The following ASB18 variants were observed in gnomAD, a reference collection of about 807,000 sequenced individuals.
The protein encoded by ASB18 is ankyrin repeat and SOCS box containing 18, also known as ankyrin repeat and SOCS box protein 18.
ASB18 carries 33 observed loss-of-function variants against 33.4 expected under a neutral mutation model. That is an observed-to-expected ratio of 0.99 (90% CI 0.75 to 1.32). The LOEUF (loss-of-function observed/expected upper bound fraction) is 1.32. Among genes scored for constraint, ASB18 ranks in the 40% most tolerant of loss-of-function variants. The pLI is 0.00. For synonymous variants in ASB18, 295 were observed against 307.6 expected, an observed-to-expected ratio of 0.96 and a Z score of 0.43; for missense variants, 694 against 655.5, an observed-to-expected ratio of 1.06 and a Z score of -0.64.
rs2060467027 is a variant in ASB18 at position 236,213,204 on chromosome 2, A to T, written c.1101+1158T>A. Among the ~76,000 whole-genome samples the T allele has an allele frequency of 6.6e-6, 1 of 152,004 alleles. No homozygotes were observed. The highest frequency in any genetic ancestry group is 2.4e-5 in the African/African-American group (1 of 41,372). On this transcript the variant is annotated intron_variant, in intron 4 of 5. Coordinates refer to ENST00000409749, the MANE Select transcript of ASB18 (RefSeq NM_212556.4). This position sits in a 1 kb window ranked among gnomAD's most constrained non-coding sequence, Gnocchi z 4.8. ...AGCACCACAAGACAATTACCCAAAGAGGGGGTGAGACAGCATCGGGAAAGT... is the reference window on the plus strand; with the variant it reads ...AGCACCACAAGACAATTACCCAAAGTGGGGGTGAGACAGCATCGGGAAAGT...
At chr2:236,230,205 T>C (rs1239767933) in intron 3 of ASB18, among the ~76,000 whole-genome samples, 1 of 151,044 alleles carries the variant, frequency 6.6e-6, no homozygotes, top group South Asian at 2.1e-4. Flanking sequence ...GCAGAAAAAA[T>C]AAGAAGAAAA....
rs867440470 is a variant in ASB18, at chr2:236,208,049, G to A, written c.1101+6313C>T. ...TTCTTTCTAGACTGGGCATCATATC[G>A]ACATCATAAGAGCTATTATCGGTGG... On this transcript the variant is annotated intron_variant, in intron 4 of 5. Coordinates refer to ENST00000409749, the MANE Select transcript of ASB18 (RefSeq NM_212556.4). The surrounding 1 kb of genome is among the most constrained non-coding windows in gnomAD (Gnocchi z 7.7). Among the ~76,000 whole-genome samples, 3 of 151,676 alleles carry A rather than the reference G, an allele frequency of 2.0e-5. No homozygotes were observed. Among genetic ancestry groups the A allele is most frequent in the African/African-American group, 7.3e-5 (3 of 41,234 alleles).
In ASB18 at chr2:236,211,996, T is replaced by C. The variant is rs1222172092; in HGVS notation, c.1101+2366A>G. Reference sequence around the variant, plus strand: ...CTTTCATTCATTCAACAAACACTGATGGAAGGTCTGTGCTTGCAGGCGCCA... The same window carrying C: ...CTTTCATTCATTCAACAAACACTGACGGAAGGTCTGTGCTTGCAGGCGCCA... On this transcript the variant is annotated intron_variant, in intron 4 of 5. Coordinates refer to ENST00000409749, the MANE Select transcript of ASB18 (RefSeq NM_212556.4). This position sits in a 1 kb window ranked among gnomAD's most constrained non-coding sequence, Gnocchi z 5.0. Among the ~76,000 whole-genome samples the C allele has an allele frequency of 6.6e-6, 1 of 152,094 alleles. No individual in the cohort carries two copies. Among genetic ancestry groups the C allele is most frequent in the African/African-American group, 2.4e-5 (1 of 41,406 alleles).
In ASB18 at chr2:236,244,620, G is replaced by C. The variant is rs1041790364; in HGVS notation, c.206-3218C>G. Among the ~76,000 whole-genome samples, 15 of 150,818 alleles carry C rather than the reference G, an allele frequency of 9.9e-5. No homozygotes were observed. The highest frequency in any genetic ancestry group is 3.4e-4 in the African/African-American group (14 of 40,902). ...TGCCTTGTGACTCCCCCTACCCCTCGTCAAGTGCCCCCCGACCTCTGAGTG... is the reference window on the plus strand; with the variant it reads ...TGCCTTGTGACTCCCCCTACCCCTCCTCAAGTGCCCCCCGACCTCTGAGTG... On this transcript the variant is annotated intron_variant, in intron 1 of 5. Coordinates refer to ENST00000409749, the MANE Select transcript of ASB18 (RefSeq NM_212556.4). This position sits in a 1 kb window ranked among gnomAD's most constrained non-coding sequence, Gnocchi z 6.1.
At chr2:236,227,403 T>C (rs552528392) in intron 3 of ASB18, among the ~76,000 whole-genome samples, 13 of 152,364 alleles carry the variant, frequency 8.5e-5, no homozygotes, top group African/African-American at 3.1e-4. Context: ...AGTCAGCACC[T>C]GCTCCTTACT....
At position 236,216,870 on chromosome 2, in the gene ASB18, G is replaced by A. The variant is rs972334929; in HGVS notation, c.597-2004C>T. On this transcript the variant is annotated intron_variant, in intron 3 of 5. Coordinates refer to ENST00000409749, the MANE Select transcript of ASB18 (RefSeq NM_212556.4). The surrounding 1 kb of genome is among the most constrained non-coding windows in gnomAD (Gnocchi z 6.1). ...GCTCACCGGGTTCACCTCCTGAGGC[G>A]CCGCCTCTCCATGCTTCAATTCTGC... 3.3e-5 allele frequency among the ~76,000 whole-genome samples: 5 copies of A among 152,218 alleles called. No homozygotes were observed. Among genetic ancestry groups the A allele is most frequent in the East Asian group, 3.9e-4 (2 of 5,134 alleles).
At position 236,203,432 on chromosome 2, in the gene ASB18, A is replaced by C. The variant is rs1402904041; in HGVS notation, c.1102-7047T>G. Among the ~76,000 whole-genome samples the C allele has an allele frequency of 6.6e-6, 1 of 152,194 alleles. No individual in the cohort carries two copies. Among genetic ancestry groups the C allele is most frequent in the Admixed American group, 6.5e-5 (1 of 15,272 alleles). On this transcript the variant is annotated intron_variant, in intron 4 of 5. Coordinates refer to ENST00000409749, the MANE Select transcript of ASB18 (RefSeq NM_212556.4). This position sits in a 1 kb window ranked among gnomAD's most constrained non-coding sequence, Gnocchi z 6.0. Reference sequence around the variant, plus strand: ...ATGTTGGCTGGGGCATGAGTCTGACATGGGGAGTGCTCGGAAATGAAACAG... The same window carrying C: ...ATGTTGGCTGGGGCATGAGTCTGACCTGGGGAGTGCTCGGAAATGAAACAG...
chr2:236,211,597 G>A lies in ASB18; in HGVS notation c.1101+2765C>T, dbSNP rs1446536255. 3.9e-5 allele frequency among the ~76,000 whole-genome samples: 6 copies of A among 152,332 alleles called. No homozygotes were observed. In the East Asian group the frequency reaches 5.8e-4, roughly 15 times the overall value. The stretch of plus-strand genomic sequence containing the variant: ...TGACAGTGCTGGTGACTCTACGCTC[G>A]GCTCGCCATGGCGCCCGTGTGGTGC... On this transcript the variant is annotated intron_variant, in intron 4 of 5. Coordinates refer to ENST00000409749, the MANE Select transcript of ASB18 (RefSeq NM_212556.4). The surrounding 1 kb of genome is among the most constrained non-coding windows in gnomAD (Gnocchi z 5.0).
chr2:236,194,919 G>T lies in ASB18; in HGVS notation c.1354C>A (p.Pro452Thr). The part of the protein sequence containing the change: ...DLIPLLPLPK[P>T]LQNYLLLEPQ... ...TCCAAAAGTAGGTAATTCTGCAGGGGCTTTGGCAAGGGTAACAGGGGGATG... is the reference window on the plus strand; with the variant it reads ...TCCAAAAGTAGGTAATTCTGCAGGGTCTTTGGCAAGGGTAACAGGGGGATG... The change falls in exon 6 of 6, where the codon CCC (proline) becomes ACC (threonine). Residue 452 changes from proline (P) to threonine (T), a missense_variant. Physicochemically the swap from Pro to Thr is conservative, Grantham distance 38 (BLOSUM62 -1). Transcript: ENST00000409749. This position sits in a 1 kb window ranked among gnomAD's most constrained non-coding sequence, Gnocchi z 4.5. The T allele has an allele frequency of 1.2e-6, 2 of 1,613,818 alleles. No homozygotes were observed. Among genetic ancestry groups the T allele is most frequent in the East Asian group, 2.2e-5 (1 of 44,880 alleles).
In ASB18 at chr2:236,223,334, T is replaced by G. The variant is rs1247090381; in HGVS notation, c.597-8468A>C. Among the ~76,000 whole-genome samples, 5 of 152,172 alleles carry G rather than the reference T, an allele frequency of 3.3e-5. No individual in the cohort carries two copies. The highest frequency in any genetic ancestry group is 7.3e-5 in the Non-Finnish European group (5 of 68,038). ...TTCCTCAGTAAGGCATGCATAACAT[T>G]TCTTTCTCTTTCTCTCATCCCCTGG... On this transcript the variant is annotated intron_variant, in intron 3 of 5. Transcript: ENST00000409749. The surrounding 1 kb of genome is among the most constrained non-coding windows in gnomAD (Gnocchi z 4.6).
At chr2:236,227,029 C>T (rs575906772) in intron 3 of ASB18, among the ~76,000 whole-genome samples, 2 of 152,220 alleles carry the variant, frequency 1.3e-5, no homozygotes, top group South Asian at 4.2e-4. Flanking sequence ...TACCATGTTT[C>T]CCACAAATGT....
chr2:236,230,385 T>G (rs533695025), intron 3 of ASB18, among the ~76,000 whole-genome samples: 3 of 150,078 alleles, frequency 2.0e-5, no homozygotes, highest in African/African-American at 7.4e-5. Context: ...AGGAAAATGA[T>G]ACTAGATGGA....
chr2:236,201,391 C>T (rs537023230), intron 4 of ASB18, among the ~76,000 whole-genome samples: 1 of 152,088 alleles, frequency 6.6e-6, no homozygotes, highest in Non-Finnish European at 1.5e-5. Flanking sequence ...TGGGTTCACG[C>T]GATCTTCCCA....
At chr2:236,212,882 A>C (rs950879904) in intron 4 of ASB18, among the ~76,000 whole-genome samples, 1 of 152,148 alleles carries the variant, frequency 6.6e-6, no homozygotes, top group African/African-American at 2.4e-5. Context: ...CTCCTGCCTC[A>C]GCCTCCCAAA....
At position 236,237,279 on chromosome 2, in the gene ASB18, A is replaced by C. The variant is rs1198487903; in HGVS notation, c.596+410T>G. ...CGGCTGGGCTGTGATCACCGCGCTC[A>C]TTACCTCGGCGTGGCGCCTCCCGCG... On this transcript the variant is annotated intron_variant, in intron 3 of 5. Coordinates refer to ENST00000409749, the MANE Select transcript of ASB18 (RefSeq NM_212556.4). The surrounding 1 kb of genome is among the most constrained non-coding windows in gnomAD (Gnocchi z 6.2). Among the ~76,000 whole-genome samples the C allele has an allele frequency of 1.3e-5, 2 of 151,744 alleles. No homozygotes were observed. The highest frequency in any genetic ancestry group is 4.8e-5 in the African/African-American group (2 of 41,394).
At position 236,252,637 on chromosome 2, in the gene ASB18, A is replaced by G. The variant is rs975321549; in HGVS notation, c.206-11235T>C. On this transcript the variant is annotated intron_variant, in intron 1 of 5. Transcript: ENST00000409749. This position sits in a 1 kb window ranked among gnomAD's most constrained non-coding sequence, Gnocchi z 7.9. Reference sequence around the variant, plus strand: ...GGCAGGTGTCACTAGCCACCATGCTATGGCGCATGGGACACAGGTGCAGTC... The same window carrying G: ...GGCAGGTGTCACTAGCCACCATGCTGTGGCGCATGGGACACAGGTGCAGTC... 6.6e-6 allele frequency among the ~76,000 whole-genome samples: 1 copy of G among 152,102 alleles called. No homozygotes were observed. Among genetic ancestry groups the G allele is most frequent in the Non-Finnish European group, 1.5e-5 (1 of 67,996 alleles).
At position 236,225,016 on chromosome 2, in the gene ASB18, A is replaced by G. The variant is rs2060530724; in HGVS notation, c.597-10150T>C. Reference sequence around the variant, plus strand: ...TCAATGCCTGTGAGCCTGGCATCTCAGGCAGGTGAACTTCCTGTTCTTAGG... The same window carrying G: ...TCAATGCCTGTGAGCCTGGCATCTCGGGCAGGTGAACTTCCTGTTCTTAGG... On this transcript the variant is annotated intron_variant, in intron 3 of 5. Coordinates refer to ENST00000409749, the MANE Select transcript of ASB18 (RefSeq NM_212556.4). The surrounding 1 kb of genome is among the most constrained non-coding windows in gnomAD (Gnocchi z 5.1). Among the ~76,000 whole-genome samples the G allele has an allele frequency of 6.6e-6, 1 of 152,204 alleles. No individual in the cohort carries two copies. The highest frequency in any genetic ancestry group is 1.9e-4 in the East Asian group (1 of 5,202).
At position 236,196,476 on chromosome 2, in the gene ASB18, C is replaced by T; in HGVS notation, c.1102-91G>A. ...TGGGGGGTGTGGGGGGATGCTCTCC[C>T]TAGCTGTGTGACCTCCCTACGCCCA... On this transcript the variant is annotated intron_variant, in intron 4 of 5. Transcript: ENST00000409749. The surrounding 1 kb of genome is among the most constrained non-coding windows in gnomAD (Gnocchi z 5.6). 1.4e-6 allele frequency: 1 copy of T among 711,388 alleles called. No individual in the cohort carries two copies. The highest frequency in any genetic ancestry group is 1.6e-5 in the South Asian group (1 of 61,126). The allele number at this position is 711,388 out of a possible 1,614,324, so 44.1% of individuals were successfully genotyped here.
At position 236,264,384 on chromosome 2, in the gene ASB18, T is replaced by C; in HGVS notation, c.-39A>G. On this transcript the variant is annotated 5_prime_UTR_variant, in exon 1 of 6. Coordinates refer to ENST00000409749, the MANE Select transcript of ASB18 (RefSeq NM_212556.4). This position sits in a 1 kb window ranked among gnomAD's most constrained non-coding sequence, Gnocchi z 5.1. ...CTGCAGTGACCAGCCCTTCTTTTCT[T>C]CCTCTAAAGCGACTCCAAAGTCAGC... 2 of 1,544,106 alleles carry C rather than the reference T, an allele frequency of 1.3e-6. No individual in the cohort carries two copies. The highest frequency in any genetic ancestry group is 1.8e-6 in the Non-Finnish European group (2 of 1,121,378).
Sources: gnomAD v4.1 joint callset for allele counts (sites outside exome capture counted in the v4.1 genomes callset) on GRCh38, gnomAD v4.1.1 for gene constraint, Gnocchi (gnomAD v3.1) non-coding constraint, MANE v1.5 for transcripts, NCBI Gene and HGNC (gene_info 2026-07-23, HGNC 2026-07-21) for gene names.